Variants in WDR64 observed in about 807,000 individuals in gnomAD.
WDR64 encodes the protein WD repeat-containing protein 64.
A neutral mutation model predicts 139.3 loss-of-function variants in WDR64; 112 were observed. That is an observed-to-expected ratio of 0.80 (90% CI 0.69 to 0.94). The LOEUF is 0.94. WDR64 is among the 40% of genes least tolerant of loss of function. The probability of loss-of-function intolerance (pLI) is 0.00; values close to 1 mark genes in which losing one functional copy is unlikely to be tolerated. For synonymous variants in WDR64, 444 were observed against 437.7 expected (o/e 1.01, Z -0.18); for missense variants, 1,206 against 1,293.1 (o/e 0.93, Z 1.03).
intron 4 of WDR64, among the ~76,000 whole-genome samples, chr1:241,675,545 G>T (rs1397370841): frequency 6.6e-6 from 1 of 151,978 alleles, no homozygotes; most frequent in African/African-American, 2.4e-5. Flanking sequence ...GATGATCCTG[G>T]ATAATATCTC....
intron 23 of WDR64, among the ~76,000 whole-genome samples, chr1:241,784,114 A>C (rs1202337007): frequency 6.6e-6 from 1 of 152,238 alleles, no homozygotes; most frequent in East Asian, 1.9e-4. Context: ...AAGACAGCCT[A>C]GCTAACTGTG....
At chr1:241,728,706 A>C (rs1473704159) in intron 10 of WDR64, among the ~76,000 whole-genome samples, 1 of 152,194 alleles carries the variant, frequency 6.6e-6, no homozygotes, top group Non-Finnish European at 1.5e-5. Context: ...ATGTTGAAAA[A>C]TGCAGAGACA....
intron 2 of WDR64, among the ~76,000 whole-genome samples, chr1:241,670,676 A>G (rs571624800): frequency 6.6e-6 from 1 of 152,306 alleles, no homozygotes; most frequent in East Asian, 1.9e-4. Flanking sequence ...AGAGAGCATC[A>G]CTGCCTGAGC....
chr1:241,725,411 C>G (rs1286667825), intron 10 of WDR64, among the ~76,000 whole-genome samples: 1 of 152,016 alleles, frequency 6.6e-6, no homozygotes, highest in Non-Finnish European at 1.5e-5. Context: ...CCACGTCCCC[C>G]AGCCCCGCAC....
rs756888650 is a variant in WDR64 at position 241,790,586 on chromosome 1, T to C, written c.2892-5T>C. On this transcript the variant is annotated splice_polypyrimidine_tract_variant and splice_region_variant and intron_variant, in intron 24 of 27. Coordinates refer to ENST00000437684, the MANE Select transcript of WDR64 (RefSeq NM_001367482.1). ...ATGTACTTATTCTTGTATCTTTATA[T>C]GCAGATGGAGAAAAATGAGCTCAGT... The C allele has an allele frequency of 3.1e-6, 5 of 1,603,734 alleles. No homozygotes were observed. The South Asian group carries it at 4.5e-5, about 14-fold the overall frequency.
intron 9 of WDR64, among the ~76,000 whole-genome samples, chr1:241,712,460 T>C (rs1358122656): frequency 6.6e-6 from 1 of 152,076 alleles, no homozygotes; most frequent in Non-Finnish European, 1.5e-5. Context: ...CGGGGGAAGG[T>C]AGGGGACTGA....
At chr1:241,687,396 A>C (rs1667046999) in intron 7 of WDR64, 65 bp from the exon 8 acceptor site, 1 of 1,584,466 alleles carries the variant, frequency 6.3e-7, no homozygotes, top group Non-Finnish European at 8.6e-7. Flanking sequence ...TAAATTGCTG[A>C]ATAGAAACAT....
rs113193971 is a variant in WDR64, at chr1:241,701,193, G to A, written c.975-10609G>A. On this transcript the variant is annotated intron_variant, in intron 8 of 27. Coordinates refer to ENST00000437684, the MANE Select transcript of WDR64 (RefSeq NM_001367482.1). Reference sequence around the variant, plus strand: ...TGCGGGGAGTAACCTCAAGAGCAAAGTTGAGTTACGCACATTTTCACAATC... The same window carrying A: ...TGCGGGGAGTAACCTCAAGAGCAAAATTGAGTTACGCACATTTTCACAATC... 3.3e-3 allele frequency among the ~76,000 whole-genome samples: 504 copies of A among 152,320 alleles called. 1 individual carries two copies. Among genetic ancestry groups the A allele is most frequent in the Non-Finnish European group, 5.7e-3 (385 of 68,024 alleles).
At chr1:241,692,256 C>T (rs1057123197) in intron 8 of WDR64, among the ~76,000 whole-genome samples, 10 of 152,182 alleles carry the variant, frequency 6.6e-5, no homozygotes, top group African/African-American at 2.2e-4. Flanking sequence ...AATGCGATCT[C>T]ACCCAAAATT....
chr1:241,703,987 T>C lies in WDR64; in HGVS notation c.975-7815T>C, dbSNP rs573753298. ...CATGAACCAATCACCTCCCACTAGG[T>C]TCCTTCCTCAATACTTGGGGATTAC... is the stretch of plus-strand genomic sequence containing the variant. On this transcript the variant is annotated intron_variant, in intron 8 of 27. Transcript: ENST00000437684. The surrounding 1 kb of genome is among the most constrained non-coding windows in gnomAD (Gnocchi z 5.9). Among the ~76,000 whole-genome samples, 1 of 152,194 alleles carries C rather than the reference T, an allele frequency of 6.6e-6. No individual in the cohort carries two copies. The highest frequency in any genetic ancestry group is 1.9e-4 in the East Asian group (1 of 5,190).
At chr1:241,654,935 T>C (rs1310173877) in intron 1 of WDR64, among the ~76,000 whole-genome samples, 5 of 152,198 alleles carry the variant, frequency 3.3e-5, no homozygotes, top group Non-Finnish European at 5.9e-5. Flanking sequence ...TATCTCACTA[T>C]GTACAGTATA....
At chr1:241,671,583 G>A (rs1666229834) in intron 3 of WDR64, among the ~76,000 whole-genome samples, 1 of 151,980 alleles carries the variant, frequency 6.6e-6, no homozygotes, top group Admixed American at 6.6e-5. Context: ...TCATCTACCC[G>A]GGATTATCTT....
chr1:241,780,372 C>A (rs1254133599), intron 22 of WDR64, among the ~76,000 whole-genome samples: 2 of 152,190 alleles, frequency 1.3e-5, no homozygotes, highest in Non-Finnish European at 2.9e-5. Context: ...TACAGTCCTC[C>A]ACAGTCAGTT....
In WDR64 at chr1:241,757,285, T is replaced by A. The variant is rs1457524363; in HGVS notation, c.1773T>A (p.Gly591=). Residue 591 remains glycine, a splice_region_variant and synonymous_variant, in exon 15 of 28, where the codon GGT becomes GGA. Transcript: ENST00000437684. ...CACTCACTGGATTTCTGTTAAAGGGTAAGGAAGATGATATCTACCTCATGG... is the reference window on the plus strand; with the variant it reads ...CACTCACTGGATTTCTGTTAAAGGGAAAGGAAGATGATATCTACCTCATGG... ...ERNGTIKMIQ[G]KEDDIYLMVI... is the part of the protein sequence containing the mutation. The A allele has an allele frequency of 1.9e-6, 3 of 1,612,556 alleles. No homozygotes were observed. Among genetic ancestry groups the A allele is most frequent in the African/African-American group, 1.3e-5 (1 of 74,856 alleles).
chr1:241,768,824 G>A (rs1658293787), intron 16 of WDR64, among the ~76,000 whole-genome samples: 1 of 152,132 alleles, frequency 6.6e-6, no homozygotes, highest in African/African-American at 2.4e-5. Context: ...TGGAATCTGG[G>A]TCAACAGGAG....
chr1:241,701,408 C>T (rs1667706881), intron 8 of WDR64, among the ~76,000 whole-genome samples: 1 of 152,166 alleles, frequency 6.6e-6, no homozygotes, highest in Non-Finnish European at 1.5e-5. Context: ...ATTGTAGGGG[C>T]ATTAAGTTCC....
intron 4 of WDR64, among the ~76,000 whole-genome samples, chr1:241,677,131 A>G (rs1666586846): frequency 6.6e-6 from 1 of 152,236 alleles, no homozygotes; most frequent in Non-Finnish European, 1.5e-5. Flanking sequence ...GCTATTAATA[A>G]AAGTAAATTT....
intron 2 of WDR64, among the ~76,000 whole-genome samples, chr1:241,670,423 G>A (rs949412129): frequency 2.6e-5 from 4 of 152,162 alleles, no homozygotes; most frequent in African/African-American, 9.7e-5. Flanking sequence ...CAAAGTCAGT[G>A]TCAAAGTTCT....
intron 8 of WDR64, among the ~76,000 whole-genome samples, chr1:241,702,171 G>A (rs1574022186): frequency 6.6e-6 from 1 of 152,154 alleles, no homozygotes; most frequent in Non-Finnish European, 1.5e-5. Flanking sequence ...CAGTTTCCAA[G>A]AGATATGCAA....
Sources: allele counts gnomAD v4.1 joint callset (sites outside exome capture counted in the v4.1 genomes callset), GRCh38; gene constraint gnomAD v4.1.1; non-coding constraint Gnocchi (gnomAD v3.1); transcripts MANE v1.5; gene names NCBI Gene and HGNC (gene_info 2026-07-23, HGNC 2026-07-21).